The following RBM20 variants were observed in gnomAD, a reference collection of about 807,000 sequenced individuals.
RBM20 encodes RNA binding motif protein 20.
A neutral mutation model predicts 110.1 loss-of-function variants in RBM20; 51 were observed. The ratio of observed to expected loss-of-function variants is 0.46; its 90% confidence interval spans 0.37 to 0.59. The LOEUF (loss-of-function observed/expected upper bound fraction) is 0.59. Ranked by LOEUF, RBM20 falls within the 20% of genes least tolerant of loss-of-function variation. RBM20 has a pLI of 0.00. For missense variants in RBM20, 1,512 were observed against 1,574.9 expected (o/e 0.96, Z 0.68); for synonymous variants, 589 against 618.2 (o/e 0.95, Z 0.70).
At chr10:110,730,734 A>T (rs779906758) in intron 1 of RBM20, among the ~76,000 whole-genome samples, 1 of 152,218 alleles carries the variant, frequency 6.6e-6, no homozygotes, top group Non-Finnish European at 1.5e-5. Flanking sequence ...CTGAATGAGG[A>T]CAAGAAGCTC....
chr10:110,767,209 G>A (rs1844107995), intron 1 of RBM20, among the ~76,000 whole-genome samples: 1 of 134,660 alleles, frequency 7.4e-6, no homozygotes, highest in Non-Finnish European at 1.6e-5. Context: ...GGCCGGGCGG[G>A]GGGGCTGACC....
At chr10:110,803,852 G>A (rs1040688504) in intron 7 of RBM20, among the ~76,000 whole-genome samples, 14 of 143,554 alleles carry the variant, frequency 9.8e-5, no homozygotes, top group African/African-American at 3.6e-4. Context: ...ATTTATGGAT[G>A]CATGTAAATG....
rs146489778 is a variant in RBM20 at position 110,792,673 on chromosome 10, C to A, written c.1528-4835C>A. ...TGACATGAGTCTGTTCTCAGAGAGG[C>A]CCCAGGCCCAGGTGTCTGTAGTTCA... On this transcript the variant is annotated intron_variant, in intron 5 of 13. Coordinates refer to ENST00000369519, the MANE Select transcript of RBM20 (RefSeq NM_001134363.3). Among the ~76,000 whole-genome samples, 115 of 152,284 alleles carry A rather than the reference C, an allele frequency of 7.6e-4. 1 individual carries two copies. The highest frequency in any genetic ancestry group is 1.9e-4 in the East Asian group (1 of 5,186).
intron 5 of RBM20, among the ~76,000 whole-genome samples, chr10:110,791,969 A>G (rs1416275467): frequency 6.6e-6 from 1 of 152,208 alleles, no homozygotes; most frequent in African/African-American, 2.4e-5. Context: ...CTTCTCCCCT[A>G]CAGTATGTCT....
At chr10:110,818,299 A>AC (rs1246154794) in intron 9 of RBM20, among the ~76,000 whole-genome samples, 5 of 151,144 alleles carry the variant, frequency 3.3e-5, no homozygotes, top group South Asian at 2.1e-4. Context: ...CTCAAAAAAA[A>AC]AAAAAAAACC....
At position 110,810,437 on chromosome 10, in the gene RBM20, A is replaced by T. The variant is rs1017649392; in HGVS notation, c.1855A>T (p.Arg619Trp). Residue 619 changes from arginine (R) to tryptophan (W), a missense_variant, in exon 8 of 14, where the codon AGG becomes TGG. By Grantham distance (101) the Arg-to-Trp change is moderately radical. Around this residue, in one of 3 missense-constraint regions of RBM20, gnomAD observed 1,149 missense variants for 1,169.4 expected, o/e 0.98. Coordinates refer to ENST00000369519, the MANE Select transcript of RBM20 (RefSeq NM_001134363.3). ...IIQDIHSQRE[R>W]DMFREADRYG... ...CCAGGACATCCATTCCCAGAGGGAG[A>T]GGGACATGTTCCGGGAAGCAGACAG... 4 of 1,551,332 alleles carry T rather than the reference A, an allele frequency of 2.6e-6. No homozygotes were observed. Among genetic ancestry groups the T allele is most frequent in the South Asian group, 1.2e-5 (1 of 84,056 alleles).
chr10:110,672,052 T>TACCATAA (rs371895970), intron 1 of RBM20, among the ~76,000 whole-genome samples: 11,146 of 152,112 alleles, frequency 0.073, 574 homozygotes, highest in Non-Finnish European at 0.1. Flanking sequence ...TAGGGCCCTA[T>TACCATAA]TAGGGACTCT....
chr10:110,812,136 T>G, intron 8 of RBM20, 142 bp from the exon 9 acceptor site: 2 of 759,154 alleles, frequency 2.6e-6, no homozygotes, highest in Non-Finnish European at 4.1e-6. Flanking sequence ...AACCACTCTG[T>G]GTGGTTCTGT....
chr10:110,826,405 C>G (rs1369114046), intron 12 of RBM20, among the ~76,000 whole-genome samples: 1 of 152,134 alleles, frequency 6.6e-6, no homozygotes, highest in Non-Finnish European at 1.5e-5. Flanking sequence ...CCCCTCCCTC[C>G]CCACAGTGCA....
chr10:110,673,427 G>C (rs186248623), intron 1 of RBM20, among the ~76,000 whole-genome samples: 1 of 152,108 alleles, frequency 6.6e-6, no homozygotes, highest in African/African-American at 2.4e-5. Context: ...GGCCAGGCTG[G>C]TCTCAAACTC....
At chr10:110,784,504 T>G in intron 4 of RBM20, 72 bp downstream of exon 4, 1 of 1,135,772 alleles carries the variant, frequency 8.8e-7, no homozygotes. Flanking sequence ...TGTCCTGTCT[T>G]TAATAACCAG....
chr10:110,828,047 C>A, intron 12 of RBM20, among the ~76,000 whole-genome samples: 1 of 152,164 alleles, frequency 6.6e-6, no homozygotes, highest in Non-Finnish European at 1.5e-5. Context: ...CCCTGGCCAG[C>A]GCGAGCCTGC....
At chr10:110,666,228 TG>T (rs1308536044) in intron 1 of RBM20, among the ~76,000 whole-genome samples, 1 of 152,206 alleles carries the variant, frequency 6.6e-6, no homozygotes, top group African/African-American at 2.4e-5. Context: ...TTGTATAATT[TG>T]AAAGTTTCCG....
chr10:110,780,943 A>G lies in RBM20; in HGVS notation c.334A>G (p.Asn112Asp). 1 of 1,551,668 alleles carries G rather than the reference A, an allele frequency of 6.4e-7. No homozygotes were observed. Among genetic ancestry groups the G allele is most frequent in the Non-Finnish European group, 8.7e-7 (1 of 1,146,970 alleles). ...GAAGCTGGCACAGACAGCTGTCACC[A>G]ACAACACTGCAGCCGCCACAGTCCT... The part of the protein sequence containing the change: ...RLKLAQTAVT[N>D]NTAAATVLNQ... The change falls in exon 2 of 14, where the codon AAC becomes GAC. Residue 112 changes from asparagine (N) to aspartate (D), a missense_variant. By Grantham distance (23) the Asn-to-Asp change is conservative. Around this residue, in one of 3 missense-constraint regions of RBM20, gnomAD observed 1,149 missense variants for 1,169.4 expected, o/e 0.98. Transcript: ENST00000369519.
At chr10:110,798,221 CT>C (rs1844576503) in intron 6 of RBM20, among the ~76,000 whole-genome samples, 1 of 152,192 alleles carries the variant, frequency 6.6e-6, no homozygotes, top group South Asian at 2.1e-4. Flanking sequence ...GTACCTTTGT[CT>C]TCATTTCTAA....
chr10:110,756,298 A>C (rs1234469023), intron 1 of RBM20, among the ~76,000 whole-genome samples: 1 of 152,228 alleles, frequency 6.6e-6, no homozygotes, highest in Non-Finnish European at 1.5e-5. Context: ...TCATTTACAG[A>C]TTCAGAAAAC....
intron 1 of RBM20, among the ~76,000 whole-genome samples, chr10:110,721,858 T>C (rs1166862894): frequency 2.6e-5 from 4 of 152,274 alleles, no homozygotes; most frequent in South Asian, 2.1e-4. Flanking sequence ...CCGGAGCATG[T>C]GCATGCAGAG....
Position 110,747,067 on chromosome 10 carries a change from T to A in RBM20, c.192-33734T>A, listed in dbSNP as rs144539902. On this transcript the variant is annotated intron_variant, in intron 1 of 13. Coordinates refer to ENST00000369519, the MANE Select transcript of RBM20 (RefSeq NM_001134363.3). ...TGTGCCAGTGTCAATTTCCTGGTTTTGATCATGTAATATAGTGATATAAGA... is the reference window on the plus strand; with the variant it reads ...TGTGCCAGTGTCAATTTCCTGGTTTAGATCATGTAATATAGTGATATAAGA... 2.3e-3 allele frequency among the ~76,000 whole-genome samples: 352 copies of A among 152,354 alleles called. 1 individual carries two copies. Among genetic ancestry groups the A allele is most frequent in the African/African-American group, 7.8e-3 (326 of 41,586 alleles).
chr10:110,661,908 G>A (rs1425993551), intron 1 of RBM20, among the ~76,000 whole-genome samples: 1 of 152,082 alleles, frequency 6.6e-6, no homozygotes, highest in East Asian at 1.9e-4. Flanking sequence ...CTACTTGGGA[G>A]GCTGAGGCAG....
Sources: allele counts gnomAD v4.1 joint callset (sites outside exome capture counted in the v4.1 genomes callset), GRCh38; gene constraint gnomAD v4.1.1; regional missense constraint gnomAD v4.1.1; transcripts MANE v1.5; gene names NCBI Gene and HGNC (gene_info 2026-07-23, HGNC 2026-07-21).